Variants in HERPUD2 observed in about 807,000 individuals in gnomAD.
The protein encoded by HERPUD2 is HERPUD family member 2, also known as homocysteine-responsive endoplasmic reticulum-resident ubiquitin-like domain member 2 protein.
Under a neutral mutation model 49.9 loss-of-function variants are expected in HERPUD2, and 13 were observed. That is an observed-to-expected ratio of 0.26 (90% CI 0.17 to 0.41). The LOEUF (loss-of-function observed/expected upper bound fraction) is 0.41. Ranked by LOEUF, HERPUD2 falls within the 10% of genes least tolerant of loss-of-function variation. The pLI is 1.00. For missense variants in HERPUD2, 449 were observed against 492.2 expected (o/e 0.91, Z 0.83); for synonymous variants, 172 against 171.4 (o/e 1.00, Z -0.03).
At chr7:35,643,933 G>A (rs140122373) in intron 5 of HERPUD2, among the ~76,000 whole-genome samples, 11 of 151,276 alleles carry the variant, frequency 7.3e-5, no homozygotes, top group African/African-American at 9.7e-5. Flanking sequence ...CCCTAGTAGG[G>A]TAACTACTAA....
chr7:35,677,091 G>A (rs1042302039), intron 2 of HERPUD2, among the ~76,000 whole-genome samples: 1 of 151,934 alleles, frequency 6.6e-6, no homozygotes, highest in African/African-American at 2.4e-5. Context: ...CTATAAACAA[G>A]GTGCATTCAA....
intron 2 of HERPUD2, among the ~76,000 whole-genome samples, chr7:35,691,496 T>C (rs1786186335): frequency 1.3e-5 from 2 of 152,130 alleles, no homozygotes; most frequent in African/African-American, 4.8e-5. Context: ...CAGATCCAAT[T>C]AGAGCAATGT....
At position 35,669,975 on chromosome 7, in the gene HERPUD2, T is replaced by C. The variant is rs1583559659; in HGVS notation, c.339+240A>G. Among the ~76,000 whole-genome samples the C allele has an allele frequency of 2.0e-5, 3 of 152,170 alleles. No homozygotes were observed. The East Asian group carries it at 5.8e-4, about 29-fold the overall frequency. On this transcript the variant is annotated intron_variant, in intron 4 of 8. Transcript: ENST00000311350. ...TTAAACCTTTGAAGATTAAATCTATTACTGACCTGCCATACAGCAAATTAT... is the reference window on the plus strand; with the variant it reads ...TTAAACCTTTGAAGATTAAATCTATCACTGACCTGCCATACAGCAAATTAT...
intron 2 of HERPUD2, among the ~76,000 whole-genome samples, chr7:35,692,197 G>A (rs1786207603): frequency 6.6e-6 from 1 of 152,148 alleles, no homozygotes; most frequent in Non-Finnish European, 1.5e-5. Flanking sequence ...AATGCACAGC[G>A]GCACTGACAT....
At chr7:35,634,200 G>A in intron 8 of HERPUD2, 112 bp downstream of exon 8, 2 of 701,480 alleles carry the variant, frequency 2.9e-6, no homozygotes, top group South Asian at 3.9e-5. Context: ...TTTCTTTCAT[G>A]TGCCATTTCA....
At chr7:35,642,017 G>T (rs1341428738) in intron 5 of HERPUD2, among the ~76,000 whole-genome samples, 3 of 152,084 alleles carry the variant, frequency 2.0e-5, no homozygotes, top group Non-Finnish European at 2.9e-5. Flanking sequence ...TATCACCAGA[G>T]TAAACAAATA....
intron 5 of HERPUD2, among the ~76,000 whole-genome samples, chr7:35,659,272 T>C (rs1785356817): frequency 6.6e-6 from 1 of 152,226 alleles, no homozygotes; most frequent in Admixed American, 6.5e-5. Flanking sequence ...TCAAATCATG[T>C]TCATTGTTGA....
At chr7:35,684,413 A>G (rs2116030171) in intron 2 of HERPUD2, among the ~76,000 whole-genome samples, 1 of 152,084 alleles carries the variant, frequency 6.6e-6, no homozygotes, top group African/African-American at 2.4e-5. Flanking sequence ...AAAAAAAAAA[A>G]AGATACTTGC....
At chr7:35,657,765 A>T (rs1197078923) in intron 5 of HERPUD2, among the ~76,000 whole-genome samples, 9 of 151,500 alleles carry the variant, frequency 5.9e-5, no homozygotes, top group Non-Finnish European at 1.3e-4. Context: ...AAAAAAAAAA[A>T]AAAATTAGCC....
At chr7:35,679,654 C>T (rs1318464643) in intron 2 of HERPUD2, among the ~76,000 whole-genome samples, 2 of 152,194 alleles carry the variant, frequency 1.3e-5, no homozygotes, top group East Asian at 3.8e-4. Context: ...CCATCCAATT[C>T]TAAACATTAG....
At chr7:35,673,073 C>T (rs1379965573) in intron 3 of HERPUD2, 128 bp downstream of exon 3, 1 of 619,348 alleles carries the variant, frequency 1.6e-6, no homozygotes, top group Admixed American at 3.1e-5. Flanking sequence ...TTTATCTTTA[C>T]TTGTTACACC....
At chr7:35,648,476 A>G (rs1323590289) in intron 5 of HERPUD2, among the ~76,000 whole-genome samples, 1 of 152,168 alleles carries the variant, frequency 6.6e-6, no homozygotes, top group Non-Finnish European at 1.5e-5. Flanking sequence ...AAATGCTACA[A>G]ATCTAGGGCT....
intron 2 of HERPUD2, among the ~76,000 whole-genome samples, chr7:35,674,568 T>C (rs1264392481): frequency 6.6e-6 from 1 of 151,724 alleles, no homozygotes; most frequent in Non-Finnish European, 1.5e-5. Flanking sequence ...GATGAGTATC[T>C]TTAGTGTGCT....
At chr7:35,659,864 T>C (rs1326661995) in intron 5 of HERPUD2, among the ~76,000 whole-genome samples, 1 of 152,112 alleles carries the variant, frequency 6.6e-6, no homozygotes, top group Non-Finnish European at 1.5e-5. Context: ...TTCTATTTCA[T>C]CTTTATTTTT....
At chr7:35,649,855 C>T (rs1409146072) in intron 5 of HERPUD2, among the ~76,000 whole-genome samples, 6 of 152,058 alleles carry the variant, frequency 3.9e-5, no homozygotes, top group African/African-American at 1.5e-4. Flanking sequence ...TGCTGGTCGG[C>T]TTTTCCTGAA....
intron 5 of HERPUD2, among the ~76,000 whole-genome samples, chr7:35,660,400 G>A (rs1785388892): frequency 6.6e-6 from 1 of 152,108 alleles, no homozygotes; most frequent in Non-Finnish European, 1.5e-5. Flanking sequence ...CCCAGTAATG[G>A]GATGGCTGGG....
chr7:35,639,649 G>T (rs1268283417), intron 5 of HERPUD2, among the ~76,000 whole-genome samples: 1 of 152,140 alleles, frequency 6.6e-6, no homozygotes, highest in East Asian at 1.9e-4. Flanking sequence ...ATCTTTAGCT[G>T]ATACTAGTTT....
intron 3 of HERPUD2, among the ~76,000 whole-genome samples, chr7:35,671,171 T>C (rs1322507109): frequency 1.3e-5 from 2 of 152,130 alleles, no homozygotes; most frequent in African/African-American, 4.8e-5. Context: ...TTGCCTACCA[T>C]GAACCTATAA....
intron 5 of HERPUD2, among the ~76,000 whole-genome samples, chr7:35,664,803 C>A (rs112269061): frequency 0.082 from 12,410 of 152,160 alleles, 726 homozygotes; most frequent in South Asian, 0.21. Flanking sequence ...ACTCTTTTTT[C>A]AAGGTTTTTA....
Sources: allele counts gnomAD v4.1 joint callset (sites outside exome capture counted in the v4.1 genomes callset), GRCh38; gene constraint gnomAD v4.1.1; transcripts MANE v1.5; gene names NCBI Gene and HGNC (gene_info 2026-07-23, HGNC 2026-07-21).